The following PPP2R3A variants were observed in gnomAD, a reference collection of about 807,000 sequenced individuals.
The protein encoded by PPP2R3A is protein phosphatase 2 regulatory subunit B''alpha.
In PPP2R3A, 80 loss-of-function variants were observed where a neutral mutation model predicts 106.9. The observed-to-expected ratio is 0.75, with a 90% CI of 0.62 to 0.90. The LOEUF (loss-of-function observed/expected upper bound fraction) is 0.90. Among genes scored for constraint, PPP2R3A ranks in the 40% least tolerant of loss-of-function variants. The pLI is 0.00. For synonymous variants in PPP2R3A, 483 were observed against 468.3 expected, an observed-to-expected ratio of 1.03 and a Z score of -0.41; for missense variants, 1,386 against 1,350.4, an observed-to-expected ratio of 1.03 and a Z score of -0.41.
intron 1 of PPP2R3A, among the ~76,000 whole-genome samples, chr3:135,969,079 A>G (rs1937169109): frequency 6.6e-6 from 1 of 152,222 alleles, no homozygotes; most frequent in Non-Finnish European, 1.5e-5. Flanking sequence ...TGGGTGAAAT[A>G]AACACACAAA....
chr3:136,082,406 C>T lies in PPP2R3A; in HGVS notation c.2773C>T (p.Arg925Ter), dbSNP rs1200818858. 9 of 1,613,586 alleles carry T rather than the reference C, an allele frequency of 5.6e-6. No individual in the cohort carries two copies. The highest frequency in any genetic ancestry group is 1.3e-5 in the African/African-American group (1 of 74,894). ...CTACATCAGCCAGGCCGATCTGTCT[C>T]GATACAATGACCAGGGTAAGTGATT... ...DLYISQADLS[R>*]YNDQASSSRI... is the part of the protein sequence containing the mutation. The change falls in exon 8 of 14, where the codon CGA becomes TGA. Residue 925 changes from arginine to a stop codon, truncating the protein, a stop_gained. Coordinates refer to ENST00000264977, the MANE Select transcript of PPP2R3A (RefSeq NM_002718.5). LOFTEE classifies it high-confidence loss of function.
rs373955169 is a variant in PPP2R3A at position 136,018,855 on chromosome 3, G to A, written c.1996-7977G>A. Among the ~76,000 whole-genome samples, 28 of 152,248 alleles carry A rather than the reference G, an allele frequency of 1.8e-4. No homozygotes were observed. In the East Asian group the frequency reaches 4.2e-3, roughly 23 times the overall value. On this transcript the variant is annotated intron_variant, in intron 2 of 13. Transcript: ENST00000264977. ...TCATGCCCAGCAGCCTATCCTACCC[G>A]GTTCTTTTTGAGAAAGACTGTCTCC... is the stretch of plus-strand genomic sequence containing the variant.
chr3:136,063,715 A>T (rs1448183768), intron 5 of PPP2R3A, among the ~76,000 whole-genome samples: 3 of 151,676 alleles, frequency 2.0e-5, no homozygotes, highest in East Asian at 3.9e-4. Context: ...AACCACAATG[A>T]GATACCATCT....
intron 1 of PPP2R3A, among the ~76,000 whole-genome samples, chr3:135,989,258 T>C (rs555450229): frequency 6.6e-6 from 1 of 152,128 alleles, no homozygotes; most frequent in South Asian, 2.1e-4. Context: ...ACACATGAAG[T>C]CTTAAAGCCA....
At chr3:136,030,226 G>C (rs1309460232) in intron 3 of PPP2R3A, among the ~76,000 whole-genome samples, 1 of 124,070 alleles carries the variant, frequency 8.1e-6, no homozygotes, top group Non-Finnish European at 1.6e-5. Context: ...TCAATAAAAA[G>C]TTGGGGCGGG....
chr3:136,068,680 G>A (rs532561831), intron 5 of PPP2R3A, among the ~76,000 whole-genome samples: 15 of 152,306 alleles, frequency 9.8e-5, no homozygotes, highest in African/African-American at 3.4e-4. Context: ...TAAAATGAAT[G>A]AGAGAACTTT....
chr3:136,076,852 C>G (rs1310843165), intron 6 of PPP2R3A, among the ~76,000 whole-genome samples: 1 of 151,588 alleles, frequency 6.6e-6, no homozygotes, highest in East Asian at 1.9e-4. Flanking sequence ...GAGGCTGAGG[C>G]AGGAGAATGG....
chr3:136,062,257 A>G (rs1297445019), intron 5 of PPP2R3A, among the ~76,000 whole-genome samples: 1 of 152,178 alleles, frequency 6.6e-6, no homozygotes, highest in Non-Finnish European at 1.5e-5. Context: ...AGAGGAATAC[A>G]TGAGACCTAA....
At chr3:136,011,352 T>A (rs780100528) in intron 2 of PPP2R3A, among the ~76,000 whole-genome samples, 32 of 152,346 alleles carry the variant, frequency 2.1e-4, no homozygotes, top group Non-Finnish European at 4.1e-4. Context: ...CATTCACTGC[T>A]ATATCCCTGG....
intron 13 of PPP2R3A, among the ~76,000 whole-genome samples, chr3:136,125,175 C>T (rs1446612222): frequency 6.6e-6 from 1 of 152,076 alleles, no homozygotes; most frequent in Non-Finnish European, 1.5e-5. Flanking sequence ...ACAAAATTAG[C>T]TGGGCATGGT....
At chr3:135,970,995 G>C (rs1937232079) in intron 1 of PPP2R3A, among the ~76,000 whole-genome samples, 1 of 152,124 alleles carries the variant, frequency 6.6e-6, no homozygotes, top group Admixed American at 6.5e-5. Context: ...GGGCTCCAGT[G>C]ACCCTGACAT....
At chr3:136,005,912 C>T (rs575362096) in intron 2 of PPP2R3A, among the ~76,000 whole-genome samples, 16 of 152,220 alleles carry the variant, frequency 1.1e-4, no homozygotes, top group Middle Eastern at 3.4e-3. Context: ...CACTGTGATA[C>T]GGTGTTTTGA....
rs1933692414 is a variant in PPP2R3A, at chr3:136,002,864, A to C, written c.1366A>C (p.Thr456Pro). Reference sequence around the variant, plus strand: ...TAGAGCAGAATTTCCAGAACATGCTACTCATCTTAAAAAATGCCCCACCCC... The same window carrying C: ...TAGAGCAGAATTTCCAGAACATGCTCCTCATCTTAAAAAATGCCCCACCCC... ...EHRAEFPEHA[T>P]HLKKCPTPMQ... The change falls in exon 2 of 14, where the codon ACT becomes CCT. Residue 456 changes from threonine to proline, a missense_variant. Coordinates refer to ENST00000264977, the MANE Select transcript of PPP2R3A (RefSeq NM_002718.5). The C allele has an allele frequency of 1.9e-6, 3 of 1,613,796 alleles. No homozygotes were observed. In the South Asian group the frequency reaches 3.3e-5, roughly 18 times the overall value.
chr3:136,108,144 C>A (rs1341258428), intron 13 of PPP2R3A, among the ~76,000 whole-genome samples: 1 of 152,072 alleles, frequency 6.6e-6, no homozygotes, highest in Non-Finnish European at 1.5e-5. Context: ...GTATGGGAGG[C>A]AGAGGCTGCA....
intron 5 of PPP2R3A, among the ~76,000 whole-genome samples, chr3:136,068,110 CAG>C (rs1359579376): frequency 7.9e-5 from 12 of 152,136 alleles, no homozygotes; most frequent in Admixed American, 2.6e-4. Context: ...TCCAGCTACT[CAG>C]GGGGCTGAGG....
At chr3:136,067,492 G>C (rs762602337) in intron 5 of PPP2R3A, among the ~76,000 whole-genome samples, 24 of 152,334 alleles carry the variant, frequency 1.6e-4, no homozygotes, top group Non-Finnish European at 2.4e-4. Context: ...TGAGTTAAGT[G>C]GACTCCTTGA....
chr3:136,115,680 C>G (rs769895912), intron 13 of PPP2R3A, among the ~76,000 whole-genome samples: 4 of 150,366 alleles, frequency 2.7e-5, no homozygotes, highest in African/African-American at 9.8e-5. Context: ...TGAAATAAAA[C>G]AAGAAGATTA....
intron 1 of PPP2R3A, among the ~76,000 whole-genome samples, chr3:135,979,204 C>A (rs1281753494): frequency 6.6e-6 from 1 of 151,458 alleles, no homozygotes; most frequent in South Asian, 2.1e-4. Flanking sequence ...CATGGTGAAA[C>A]CCCGTCTCTA....
intron 5 of PPP2R3A, among the ~76,000 whole-genome samples, chr3:136,066,909 G>GA (rs1049950237): frequency 1.3e-5 from 2 of 151,802 alleles, no homozygotes; most frequent in African/African-American, 4.8e-5. Context: ...TATATCTAAG[G>GA]AAAAAAAATT....
Sources: gnomAD v4.1 joint callset for allele counts (sites outside exome capture counted in the v4.1 genomes callset) on GRCh38, gnomAD v4.1.1 for gene constraint, MANE v1.5 for transcripts, NCBI Gene and HGNC (gene_info 2026-07-23, HGNC 2026-07-21) for gene names.